Variants in SH3GL1 observed in about 807,000 individuals in gnomAD.
The protein encoded by SH3GL1 is endophilin-A2.
A neutral mutation model predicts 48.8 loss-of-function variants in SH3GL1; 21 were observed. The ratio of observed to expected loss-of-function variants is 0.43; its 90% CI spans 0.30 to 0.62. The LOEUF (loss-of-function observed/expected upper bound fraction) is 0.62. Among genes scored for constraint, SH3GL1 ranks in the 20% least tolerant of loss-of-function variants. The pLI is 0.11. For missense variants in SH3GL1, 454 were observed against 503.0 expected, an observed-to-expected ratio of 0.90 and a Z score of 0.93; for synonymous variants, 282 against 217.5, an observed-to-expected ratio of 1.30 and a Z score of -2.61.
Position 4,367,136 on chromosome 19 carries a change from C to A in SH3GL1, c.46-142G>T. 1 of 671,812 alleles carries A rather than the reference C, an allele frequency of 1.5e-6. No individual in the cohort carries two copies. Among genetic ancestry groups the A allele is most frequent in the East Asian group, 3.2e-5 (1 of 30,806 alleles). 41.6% of individuals were successfully genotyped at this position (671,812 alleles called of 1,614,324 possible). On this transcript the variant is annotated intron_variant, in intron 1 of 9. Coordinates refer to ENST00000269886, the MANE Select transcript of SH3GL1 (RefSeq NM_003025.4). The surrounding 1 kb of genome is among the most constrained non-coding windows in gnomAD (Gnocchi z 4.2). Reference sequence around the variant, plus strand: ...GTGATCAGGACACACACCTCAGGCACTGCCGTGGGCACCCCAGGGCCACAC... The same window carrying A: ...GTGATCAGGACACACACCTCAGGCAATGCCGTGGGCACCCCAGGGCCACAC...
At chr19:4,397,033 G>A (rs1416210605) in intron 1 of SH3GL1, among the ~76,000 whole-genome samples, 1 of 152,138 alleles carries the variant, frequency 6.6e-6, no homozygotes, top group African/African-American at 2.4e-5. Flanking sequence ...GTATCACTAC[G>A]TAATGAGAGA....
chr19:4,384,378 C>T lies in SH3GL1; in HGVS notation c.45+15946G>A, dbSNP rs542704692. On this transcript the variant is annotated intron_variant, in intron 1 of 9. Coordinates refer to ENST00000269886, the MANE Select transcript of SH3GL1 (RefSeq NM_003025.4). ...AGGAGGGTTGAAATAACACACTTTA[C>T]GAGTGCGCAACACACGATATTGCTA... 8.6e-4 allele frequency among the ~76,000 whole-genome samples: 131 copies of T among 152,348 alleles called. 1 individual carries two copies. The highest frequency in any genetic ancestry group is 2.4e-3 in the African/African-American group (100 of 41,578).
intron 8 of SH3GL1, 101 bp downstream of exon 8, chr19:4,362,511 C>A: frequency 6.3e-7 from 1 of 1,583,470 alleles, no homozygotes; most frequent in Non-Finnish European, 8.6e-7. Flanking sequence ...CTGAGAGCTG[C>A]ACCCAGGAGT....
intron 1 of SH3GL1, among the ~76,000 whole-genome samples, chr19:4,369,087 G>GA (rs928313337): frequency 1.1e-4 from 17 of 149,300 alleles, no homozygotes; most frequent in East Asian, 7.8e-4. Flanking sequence ...AAAGAAGAAA[G>GA]AAAAAAAAAA....
chr19:4,387,906 C>T (rs1460657158), intron 1 of SH3GL1, among the ~76,000 whole-genome samples: 1 of 152,076 alleles, frequency 6.6e-6, no homozygotes, highest in Non-Finnish European at 1.5e-5. Flanking sequence ...TGTCGCCAGG[C>T]TGGAGTGCAC....
rs546923507 is a variant in SH3GL1 at position 4,372,662 on chromosome 19, G to A, written c.46-5668C>T. On this transcript the variant is annotated intron_variant, in intron 1 of 9. Transcript: ENST00000269886. Reference sequence around the variant, plus strand: ...GCCCTTCCCTGCTGGCCCAACACCTGGGAGCCACTGCCCAACACACATGGC... The same window carrying A: ...GCCCTTCCCTGCTGGCCCAACACCTAGGAGCCACTGCCCAACACACATGGC... Among the ~76,000 whole-genome samples the A allele has an allele frequency of 2.9e-4, 44 of 152,302 alleles. 1 individual carries two copies. The highest frequency in any genetic ancestry group is 1.0e-3 in the African/African-American group (43 of 41,566).
intron 1 of SH3GL1, among the ~76,000 whole-genome samples, chr19:4,396,632 C>T (rs1310917539): frequency 6.6e-6 from 1 of 152,046 alleles, no homozygotes; most frequent in Admixed American, 6.6e-5. Flanking sequence ...TTTTTTGTTC[C>T]TTTGTTTTGG....
intron 2 of SH3GL1, 108 bp downstream of exon 2, chr19:4,366,818 C>T: frequency 8.6e-7 from 1 of 1,165,944 alleles, no homozygotes; most frequent in Non-Finnish European, 1.3e-6. Flanking sequence ...TGCCGGGCCC[C>T]ATCACTCCAG....
chr19:4,390,338 T>C (rs991545360), intron 1 of SH3GL1: 3 of 152,428 alleles, frequency 2.0e-5, no homozygotes, highest in African/African-American at 4.8e-5. Flanking sequence ...GGAAAAGTGC[T>C]TGCCAAATCC....
intron 1 of SH3GL1, among the ~76,000 whole-genome samples, chr19:4,391,648 T>C (rs1393163060): frequency 1.3e-5 from 2 of 152,174 alleles, no homozygotes; most frequent in African/African-American, 4.8e-5. Context: ...CAGCCAACCC[T>C]GTGAAGGGGG....
chr19:4,388,767 T>C (rs1387087092), intron 1 of SH3GL1, among the ~76,000 whole-genome samples: 2 of 152,162 alleles, frequency 1.3e-5, no homozygotes, highest in Admixed American at 6.5e-5. Context: ...GAAGCAGGCG[T>C]CTGGGCTTGG....
At chr19:4,393,000 G>A (rs1047118923) in intron 1 of SH3GL1, among the ~76,000 whole-genome samples, 16 of 152,306 alleles carry the variant, frequency 1.1e-4, no homozygotes, top group Admixed American at 3.3e-4. Context: ...GCTCACACCT[G>A]CAATCCCAGC....
At chr19:4,381,573 C>T in intron 1 of SH3GL1, among the ~76,000 whole-genome samples, 2 of 95,550 alleles carry the variant, frequency 2.1e-5, no homozygotes, top group Non-Finnish European at 2.1e-5. Context: ...CTCTCTGTTC[C>T]CCCTGCCTCT....
chr19:4,378,264 A>C (rs1167581426), intron 1 of SH3GL1, among the ~76,000 whole-genome samples: 1 of 152,234 alleles, frequency 6.6e-6, no homozygotes, highest in African/African-American at 2.4e-5. Context: ...CCACGAGGCA[A>C]GCAGGCTGAC....
intron 1 of SH3GL1, among the ~76,000 whole-genome samples, chr19:4,384,944 A>G (rs1220788535): frequency 1.3e-5 from 2 of 152,026 alleles, no homozygotes; most frequent in African/African-American, 2.4e-5. Context: ...TCCCTACTAA[A>G]AATATGAAAA....
intron 1 of SH3GL1, among the ~76,000 whole-genome samples, chr19:4,371,633 C>T (rs774319585): frequency 8.5e-5 from 13 of 152,190 alleles, no homozygotes; most frequent in South Asian, 2.1e-4. Context: ...TGCAGGGATG[C>T]GCCACATTTG....
chr19:4,371,017 T>C lies in SH3GL1; in HGVS notation c.46-4023A>G, dbSNP rs1202409918. On this transcript the variant is annotated intron_variant, in intron 1 of 9. Coordinates refer to ENST00000269886, the MANE Select transcript of SH3GL1 (RefSeq NM_003025.4). Reference sequence around the variant, plus strand: ...CCACCTGCATGCCGCATGGATTTTCTGCCTGACCCTGTACTCTGTCACCTG... The same window carrying C: ...CCACCTGCATGCCGCATGGATTTTCCGCCTGACCCTGTACTCTGTCACCTG... Among the ~76,000 whole-genome samples, 3 of 152,250 alleles carry C rather than the reference T, an allele frequency of 2.0e-5. No homozygotes were observed. The East Asian group carries it at 5.8e-4, about 29-fold the overall frequency.
At position 4,360,378 on chromosome 19, in the gene SH3GL1, G is replaced by C. The variant is rs1378923780; in HGVS notation, c.*1222C>G. On this transcript the variant is annotated 3_prime_UTR_variant, in exon 10 of 10. Coordinates refer to ENST00000269886, the MANE Select transcript of SH3GL1 (RefSeq NM_003025.4). ...AAGACGAGGCAAGGGGCTGTAGAAA[G>C]AGACATTTAATACTTCTGTTTACAA... The C allele has an allele frequency of 7.6e-6, 2 of 263,934 alleles. No homozygotes were observed. The highest frequency in any genetic ancestry group is 1.0e-4 in the South Asian group (1 of 9,886). 16.3% of individuals were successfully genotyped at this position (263,934 alleles called of 1,614,324 possible).
chr19:4,392,547 CACACACACACACACACACACACAA>C (rs1164914556), intron 1 of SH3GL1, among the ~76,000 whole-genome samples: 3 of 151,082 alleles, frequency 2.0e-5, no homozygotes, highest in African/African-American at 7.3e-5. Context: ...CACACACACA[CACACACACACACACACACACACAA>C]AAGATCATTC....
Sources: allele counts gnomAD v4.1 joint callset (sites outside exome capture counted in the v4.1 genomes callset), GRCh38; gene constraint gnomAD v4.1.1; non-coding constraint Gnocchi (gnomAD v3.1); transcripts MANE v1.5; gene names NCBI Gene and HGNC (gene_info 2026-07-23, HGNC 2026-07-21).